SH3PXD2A: variants seen among roughly 807,000 people sequenced by gnomAD.
SH3PXD2A encodes SH3 and PX domains 2A.
A neutral mutation model predicts 115.2 loss-of-function variants in SH3PXD2A; 32 were observed. That is an observed-to-expected ratio of 0.28 (90% CI 0.21 to 0.37). The LOEUF is 0.37. Among genes scored for constraint, SH3PXD2A ranks in the 10% least tolerant of loss-of-function variants. The probability of loss-of-function intolerance (pLI) is 1.00; values close to 1 mark genes in which losing one functional copy is unlikely to be tolerated. For synonymous variants in SH3PXD2A, 610 were observed against 629.1 expected (o/e 0.97, Z 0.45); for missense variants, 1,328 against 1,498.7 (o/e 0.89, Z 1.88).
chr10:103,644,666 C>T lies in SH3PXD2A; in HGVS notation c.604+16317G>A, dbSNP rs1457157818. Among the ~76,000 whole-genome samples, 6 of 152,046 alleles carry T rather than the reference C, an allele frequency of 3.9e-5. No individual in the cohort carries two copies. In the East Asian group the frequency reaches 5.8e-4, roughly 15 times the overall value. On this transcript the variant is annotated intron_variant, in intron 8 of 14. Transcript: ENST00000369774. Reference sequence around the variant, plus strand: ...ACTATTCTAAGCCATTTCAGAAACCCGACGGACTCCTAACTATCCCCAGTA... The same window carrying T: ...ACTATTCTAAGCCATTTCAGAAACCTGACGGACTCCTAACTATCCCCAGTA...
intron 3 of SH3PXD2A, among the ~76,000 whole-genome samples, chr10:103,761,441 CA>C (rs1171430068): frequency 6.6e-6 from 1 of 152,056 alleles, no homozygotes; most frequent in Non-Finnish European, 1.5e-5. Flanking sequence ...ACCAAATAGC[CA>C]AACTTGTTAG....
Position 103,617,244 on chromosome 10 carries a change from G to A in SH3PXD2A, c.873C>T (p.Val291=). The change falls in exon 11 of 15, where the codon GTC becomes GTT. Residue 291 remains valine, a synonymous_variant. Transcript: ENST00000369774. ...SKDEIGFEKG[V]TVEVIRKNLE... ...GATTCTTCCGGATCACCTCCACTGT[G>A]ACGCCCTTCTCAAAGCCAATCTCGT... 6.2e-7 allele frequency: 1 copy of A among 1,614,196 alleles called. No homozygotes were observed. Among genetic ancestry groups the A allele is most frequent in the Non-Finnish European group, 8.5e-7 (1 of 1,179,990 alleles).
At chr10:103,736,026 C>T (rs565108944) in intron 3 of SH3PXD2A, among the ~76,000 whole-genome samples, 1 of 152,268 alleles carries the variant, frequency 6.6e-6, no homozygotes, top group African/African-American at 2.4e-5. Flanking sequence ...GTGAGGAGCC[C>T]TGGAGGCTGC....
intron 1 of SH3PXD2A, among the ~76,000 whole-genome samples, chr10:103,830,838 G>A (rs1386419139): frequency 6.6e-6 from 1 of 152,126 alleles, no homozygotes; most frequent in Non-Finnish European, 1.5e-5. Context: ...AAATTAGAGA[G>A]GATGGCTAAG....
intron 1 of SH3PXD2A, among the ~76,000 whole-genome samples, chr10:103,826,940 C>T (rs1052844115): frequency 1.3e-5 from 2 of 152,106 alleles, no homozygotes; most frequent in African/African-American, 2.4e-5. Flanking sequence ...TGCTTCGGCC[C>T]GGCTAATGGA....
At position 103,661,044 on chromosome 10, in the gene SH3PXD2A, C is replaced by G; in HGVS notation, c.543G>C (p.Glu181Asp). The G allele has an allele frequency of 6.2e-7, 1 of 1,614,176 alleles. No homozygotes were observed. The highest frequency in any genetic ancestry group is 1.1e-5 in the South Asian group (1 of 91,090). ...YVVVSNYKKQ[E>D]NSELSLQAGE... The stretch of plus-strand genomic sequence containing the variant: ...CGGCCTGGAGGCTCAGCTCCGAGTT[C>G]TCCTGCTTCTTATAGTTGGACACCA... The change falls in exon 8 of 15, where the codon GAG (glutamate) becomes GAC (aspartate). Residue 181 changes from glutamate (E) to aspartate (D), a missense_variant. This residue lies in a region of SH3PXD2A where 509 missense variants were observed against 628.3 expected (regional missense o/e 0.81). Transcript: ENST00000369774.
At chr10:103,660,906 G>T in intron 8 of SH3PXD2A, 77 bp downstream of exon 8, 1 of 1,452,364 alleles carries the variant, frequency 6.9e-7, no homozygotes. Context: ...GGTGGGGGAG[G>T]AGGGAGGAAC....
rs1036575551 is a variant in SH3PXD2A at position 103,695,044 on chromosome 10, C to G, written c.399-1988G>C. 5.9e-5 allele frequency among the ~76,000 whole-genome samples: 9 copies of G among 152,238 alleles called. No individual in the cohort carries two copies. The East Asian group carries it at 7.7e-4, about 13-fold the overall frequency. ...GTCCTGCCCAGAAGACTTTCCACTC[C>G]CAAGGAGGAAATTAGCTTTTCAGGC... On this transcript the variant is annotated intron_variant, in intron 5 of 14. Coordinates refer to ENST00000369774, the MANE Select transcript of SH3PXD2A (RefSeq NM_001394015.1).
intron 6 of SH3PXD2A, among the ~76,000 whole-genome samples, chr10:103,679,516 A>G (rs1224581959): frequency 1.3e-5 from 2 of 152,234 alleles, no homozygotes; most frequent in Non-Finnish European, 2.9e-5. Flanking sequence ...CTTGGAGCAG[A>G]AGGAGCGAGC....
intron 3 of SH3PXD2A, among the ~76,000 whole-genome samples, chr10:103,763,235 G>C (rs1306965666): frequency 6.6e-6 from 1 of 152,102 alleles, no homozygotes; most frequent in Admixed American, 6.5e-5. Flanking sequence ...AAATTTCTAT[G>C]AGCCCTCAGC....
chr10:103,727,837 G>A (rs1324288654), intron 4 of SH3PXD2A, among the ~76,000 whole-genome samples: 1 of 152,220 alleles, frequency 6.6e-6, no homozygotes, highest in Non-Finnish European at 1.5e-5. Context: ...GCTGACAAGA[G>A]GCTCTCAGCC....
rs777794207 is a variant in SH3PXD2A at position 103,603,501 on chromosome 10, C to T, written c.1717G>A (p.Glu573Lys). ...GAGGCTCTGTCCTCCACGGGCTCCT[C>T]GCTCAGCTCAGGCTCTGAGTCAAAG... ...FGFDSEPELS[E>K]EPVEDRASGE... Residue 573 changes from glutamate to lysine, a missense_variant, in exon 15 of 15, where the codon GAG (glutamate) becomes AAG (lysine). Physicochemically the swap from Glu to Lys is moderately conservative, Grantham distance 56. Coordinates refer to ENST00000369774, the MANE Select transcript of SH3PXD2A (RefSeq NM_001394015.1). 39 of 1,611,364 alleles carry T rather than the reference C, an allele frequency of 2.4e-5. No homozygotes were observed. Among genetic ancestry groups the T allele is most frequent in the African/African-American group, 2.7e-5 (2 of 74,870 alleles).
At chr10:103,813,221 G>GA (rs1324431692) in intron 1 of SH3PXD2A, among the ~76,000 whole-genome samples, 2 of 151,970 alleles carry the variant, frequency 1.3e-5, no homozygotes, top group Admixed American at 1.3e-4. Context: ...ACATTAAAAA[G>GA]AAAAAAATAC....
At chr10:103,693,157 G>A (rs1011167032) in intron 5 of SH3PXD2A, 101 bp from the exon 6 acceptor site, 5 of 910,356 alleles carry the variant, frequency 5.5e-6, no homozygotes, top group South Asian at 1.4e-5. Flanking sequence ...TCGGTCCCCG[G>A]TGCCGCTGCT....
chr10:103,634,167 G>A (rs2036830622), intron 8 of SH3PXD2A, among the ~76,000 whole-genome samples: 1 of 152,262 alleles, frequency 6.6e-6, no homozygotes, highest in South Asian at 2.1e-4. Context: ...GGCTCCTGGG[G>A]AAGGAAAGGA....
rs541450544 is a variant in SH3PXD2A, at chr10:103,777,390, G to T, written c.154-10221C>A. Among the ~76,000 whole-genome samples the T allele has an allele frequency of 1.4e-4, 22 of 152,380 alleles. No individual in the cohort carries two copies. The East Asian group carries it at 4.2e-3, about 29-fold the overall frequency. ...AGGCGTCTTGGCCTGGGCCAGCTTG[G>T]CTCTGGGCATCTAGAGGCCCCAGGG... On this transcript the variant is annotated intron_variant, in intron 2 of 14. Coordinates refer to ENST00000369774, the MANE Select transcript of SH3PXD2A (RefSeq NM_001394015.1).
At chr10:103,717,921 GGACACTGT>G (rs2038126123) in intron 5 of SH3PXD2A, among the ~76,000 whole-genome samples, 1 of 152,070 alleles carries the variant, frequency 6.6e-6, no homozygotes, top group Non-Finnish European at 1.5e-5. Context: ...AGTGGCCTCA[GGACACTGT>G]GCCAGGAGGC....
At position 103,712,952 on chromosome 10, in the gene SH3PXD2A, C is replaced by T. The variant is rs138268330; in HGVS notation, c.398+11318G>A. Among the ~76,000 whole-genome samples the T allele has an allele frequency of 2.6e-5, 4 of 152,306 alleles. No homozygotes were observed. The East Asian group carries it at 7.7e-4, about 29-fold the overall frequency. ...AGTCAACCAGTCTCAGCCTAAGGTC[C>T]CTCATCTGCAGAAAGGAGCATGGGC... On this transcript the variant is annotated intron_variant, in intron 5 of 14. Coordinates refer to ENST00000369774, the MANE Select transcript of SH3PXD2A (RefSeq NM_001394015.1).
At chr10:103,695,372 G>C (rs905626567) in intron 5 of SH3PXD2A, among the ~76,000 whole-genome samples, 2 of 152,114 alleles carry the variant, frequency 1.3e-5, no homozygotes, top group African/African-American at 4.8e-5. Context: ...GCTAGGCATG[G>C]TAGCAAGCAC....
Sources: allele counts gnomAD v4.1 joint callset (sites outside exome capture counted in the v4.1 genomes callset), GRCh38; gene constraint gnomAD v4.1.1; regional missense constraint gnomAD v4.1.1; transcripts MANE v1.5; gene names NCBI Gene and HGNC (gene_info 2026-07-23, HGNC 2026-07-21).